The following TMCC1 variants were observed in gnomAD, a reference collection of about 807,000 sequenced individuals.
TMCC1 encodes transmembrane and coiled-coil domain family 1.
Under a neutral mutation model 52.4 loss-of-function variants are expected in TMCC1, and 15 were observed. That is an observed-to-expected ratio of 0.29 (90% CI 0.19 to 0.44). The LOEUF (loss-of-function observed/expected upper bound fraction) is 0.44, where lower values mean the gene tolerates loss of function less well. Among genes scored for constraint, TMCC1 ranks in the 20% least tolerant of loss-of-function variants. TMCC1 has a pLI of 1.00. For missense variants in TMCC1, 503 were observed against 806.0 expected, an observed-to-expected ratio of 0.62 and a Z score of 4.55; for synonymous variants, 279 against 301.9, an observed-to-expected ratio of 0.92 and a Z score of 0.79.
intron 4 of TMCC1, among the ~76,000 whole-genome samples, chr3:129,706,883 A>G (rs912445862): frequency 2.0e-5 from 3 of 152,082 alleles, no homozygotes; most frequent in Non-Finnish European, 4.4e-5. Context: ...ATCATAGCTC[A>G]CTGCAGCCTC....
chr3:129,653,590 C>G (rs2086481666), intron 6 of TMCC1, among the ~76,000 whole-genome samples: 1 of 152,166 alleles, frequency 6.6e-6, no homozygotes, highest in African/African-American at 2.4e-5. Context: ...ACTACAGGTG[C>G]CCGCCAACAT....
intron 4 of TMCC1, among the ~76,000 whole-genome samples, chr3:129,785,998 G>C (rs565744948): frequency 6.8e-6 from 1 of 146,860 alleles, no homozygotes; most frequent in Non-Finnish European, 1.5e-5. Flanking sequence ...ATAGTGGCGC[G>C]ATGTTGGCTC....
In TMCC1 at chr3:129,695,096, CAAAAAA is replaced by C. The variant is rs11291309; in HGVS notation, c.577-23838_577-23833del. 2.0e-4 allele frequency among the ~76,000 whole-genome samples: 7 copies of C among 35,238 alleles called. No homozygotes were observed. The East Asian group carries it at 3.6e-3, about 18-fold the overall frequency. 23.1% of individuals were successfully genotyped at this position (35,238 alleles called of 152,430 possible). ...TGGGCGACAGAGCGAGACTCTGTCT[CAAAAAA>C]AAAAAAAAAAAAAAAAAAAAAAAAT... On this transcript the variant is annotated intron_variant, in intron 4 of 6. Transcript: ENST00000393238.
chr3:129,833,036 AAG>A (rs1342301065), intron 2 of TMCC1, among the ~76,000 whole-genome samples: 31 of 152,128 alleles, frequency 2.0e-4, no homozygotes, highest in Non-Finnish European at 4.3e-4. Context: ...ATAATCAAGA[AAG>A]AAAGTATTCT....
chr3:129,776,985 T>C (rs191663924), intron 4 of TMCC1, among the ~76,000 whole-genome samples: 1 of 152,248 alleles, frequency 6.6e-6, no homozygotes, highest in East Asian at 1.9e-4. Context: ...AAGCTTGTGG[T>C]CAATCGAGTC....
chr3:129,833,545 G>A (rs1447687665), intron 2 of TMCC1, among the ~76,000 whole-genome samples: 1 of 152,084 alleles, frequency 6.6e-6, no homozygotes, highest in Non-Finnish European at 1.5e-5. Context: ...CCTCTAGCCT[G>A]GGAGCAAAAG....
intron 2 of TMCC1, among the ~76,000 whole-genome samples, chr3:129,854,735 A>C (rs1365638791): frequency 1.3e-5 from 2 of 152,166 alleles, no homozygotes; most frequent in East Asian, 3.8e-4. Context: ...AGATCATAGC[A>C]CAAGTATCAT....
Position 129,843,067 on chromosome 3 carries a change from C to T in TMCC1, c.-183-10241G>A, listed in dbSNP as rs1175852849. Among the ~76,000 whole-genome samples the T allele has an allele frequency of 3.3e-5, 5 of 152,132 alleles. No individual in the cohort carries two copies. In the East Asian group the frequency reaches 9.6e-4, roughly 29 times the overall value. ...AAATTATAACTAAAACAGAAGGAGG[C>T]CAGGTGTGGTGGCTCACGCCTATAA... On this transcript the variant is annotated intron_variant, in intron 2 of 6. Coordinates refer to ENST00000393238, the MANE Select transcript of TMCC1 (RefSeq NM_001017395.5).
At chr3:129,720,892 T>C (rs930105706) in intron 4 of TMCC1, among the ~76,000 whole-genome samples, 4 of 151,796 alleles carry the variant, frequency 2.6e-5, no homozygotes, top group Admixed American at 2.6e-4. Flanking sequence ...AAGCTCTCAC[T>C]ATGTTGCTCA....
chr3:129,856,822 G>T (rs534189298), intron 2 of TMCC1, among the ~76,000 whole-genome samples: 110 of 152,258 alleles, frequency 7.2e-4, no homozygotes, highest in African/African-American at 2.6e-3. Flanking sequence ...AGTCTAAAAA[G>T]AAGAGTAAAT....
At chr3:129,849,765 C>A (rs111285753) in intron 2 of TMCC1, among the ~76,000 whole-genome samples, 13,637 of 147,374 alleles carry the variant, frequency 0.093, 2,008 homozygotes, top group African/African-American at 0.32. Context: ...GACTCCATCT[C>A]AAAAAAAAAT....
At chr3:129,835,468 A>G (rs190559925) in intron 2 of TMCC1, among the ~76,000 whole-genome samples, 2 of 150,724 alleles carry the variant, frequency 1.3e-5, no homozygotes, top group Non-Finnish European at 2.9e-5. Flanking sequence ...AGAATCCAGA[A>G]AGAGAGATAT....
intron 4 of TMCC1, among the ~76,000 whole-genome samples, chr3:129,695,096 CAAAAAAAAAAA>C (rs11291309): frequency 1.4e-4 from 5 of 35,232 alleles, no homozygotes; most frequent in African/African-American, 3.4e-4. Flanking sequence ...GACTCTGTCT[CAAAAAAAAAAA>C]AAAAAAAAAA....
At chr3:129,715,059 G>C (rs1443224392) in intron 4 of TMCC1, among the ~76,000 whole-genome samples, 3 of 152,084 alleles carry the variant, frequency 2.0e-5, no homozygotes, top group African/African-American at 7.2e-5. Flanking sequence ...CTGTATTTTA[G>C]GTATTGAAGA....
chr3:129,789,204 T>A (rs972316326), intron 4 of TMCC1, among the ~76,000 whole-genome samples: 3 of 152,214 alleles, frequency 2.0e-5, no homozygotes, highest in African/African-American at 7.2e-5. Context: ...CTAGTGCTTA[T>A]CATTAAGAGG....
At chr3:129,893,306 G>C (rs2108028072) in intron 1 of TMCC1, 188 bp downstream of exon 1, 1 of 152,486 alleles carries the variant, frequency 6.6e-6, no homozygotes, top group East Asian at 1.9e-4. Context: ...TCGAGTCCTA[G>C]GCCCGGGGCT....
intron 4 of TMCC1, among the ~76,000 whole-genome samples, chr3:129,736,478 A>G (rs559231283): frequency 6.6e-5 from 10 of 152,206 alleles, no homozygotes; most frequent in Non-Finnish European, 1.3e-4. Flanking sequence ...CTTCTCCTTT[A>G]AAAAAATGAA....
chr3:129,850,312 C>G (rs1184763101), intron 2 of TMCC1, among the ~76,000 whole-genome samples: 1 of 152,106 alleles, frequency 6.6e-6, no homozygotes, highest in African/African-American at 2.4e-5. Context: ...TTCCTGAAAC[C>G]AGAAGAGAGA....
At chr3:129,784,697 G>C (rs930261059) in intron 4 of TMCC1, among the ~76,000 whole-genome samples, 1 of 152,026 alleles carries the variant, frequency 6.6e-6, no homozygotes, top group Non-Finnish European at 1.5e-5. Flanking sequence ...AGCTAGACAC[G>C]GTGGTTCGCA....
Sources: gnomAD v4.1 joint callset for allele counts (sites outside exome capture counted in the v4.1 genomes callset) on GRCh38, gnomAD v4.1.1 for gene constraint, MANE v1.5 for transcripts, NCBI Gene and HGNC (gene_info 2026-07-23, HGNC 2026-07-21) for gene names.